SLC16A10: variants seen among roughly 807,000 people sequenced by gnomAD.
SLC16A10 encodes the protein solute carrier family 16 member 10, also known as monocarboxylate transporter 10.
Under a neutral mutation model 40.0 loss-of-function variants are expected in SLC16A10, and 27 were observed. That is an observed-to-expected ratio of 0.67 (90% CI 0.50 to 0.93). The LOEUF (loss-of-function observed/expected upper bound fraction) is 0.93, where lower values mean the gene tolerates loss of function less well. SLC16A10 is among the 40% of genes least tolerant of loss of function. SLC16A10 has a pLI of 0.00. For missense variants in SLC16A10, 529 were observed against 658.2 expected, an observed-to-expected ratio of 0.80 and a Z score of 2.15; for synonymous variants, 213 against 249.8, an observed-to-expected ratio of 0.85 and a Z score of 1.39.
chr6:111,109,390 G>C (rs955066975), intron 1 of SLC16A10, among the ~76,000 whole-genome samples: 1 of 150,948 alleles, frequency 6.6e-6, no homozygotes, highest in Non-Finnish European at 1.5e-5. Flanking sequence ...TCCTTGTTGT[G>C]GTATGTATTA....
intron 3 of SLC16A10, among the ~76,000 whole-genome samples, chr6:111,181,007 G>A (rs904431382): frequency 1.3e-5 from 2 of 152,076 alleles, no homozygotes; most frequent in Non-Finnish European, 2.9e-5. Context: ...CAGAGGTCAG[G>A]AATTTGTGAC....
chr6:111,125,154 C>T (rs920556952), intron 1 of SLC16A10, among the ~76,000 whole-genome samples: 1 of 152,168 alleles, frequency 6.6e-6, no homozygotes. Context: ...AGTAACATCT[C>T]AGTAGATCCG....
intron 1 of SLC16A10, among the ~76,000 whole-genome samples, chr6:111,144,246 C>T (rs1407320584): frequency 1.3e-5 from 2 of 152,098 alleles, no homozygotes; most frequent in Non-Finnish European, 2.9e-5. Flanking sequence ...CTCTGTCCCC[C>T]AGGCTGGAGT....
chr6:111,115,488 C>T (rs148184872), intron 1 of SLC16A10, among the ~76,000 whole-genome samples: 15,077 of 152,274 alleles, frequency 0.099, 877 homozygotes, highest in Non-Finnish European at 0.14. Flanking sequence ...GGATTACAGG[C>T]GTGAGCCACT....
chr6:111,142,325 G>T (rs766796679), intron 1 of SLC16A10, among the ~76,000 whole-genome samples: 6 of 152,160 alleles, frequency 3.9e-5, no homozygotes, highest in Non-Finnish European at 7.4e-5. Context: ...GTAAAAAAAT[G>T]AATCTAGACA....
intron 1 of SLC16A10, among the ~76,000 whole-genome samples, chr6:111,171,504 A>G (rs907910369): frequency 2.6e-5 from 4 of 152,210 alleles, no homozygotes; most frequent in Admixed American, 2.6e-4. Flanking sequence ...AAACACACAC[A>G]AAAGAAATAT....
intron 3 of SLC16A10, among the ~76,000 whole-genome samples, chr6:111,190,155 GC>G (rs755659198): frequency 3.0e-4 from 46 of 152,296 alleles, no homozygotes; most frequent in Middle Eastern, 3.4e-3. Context: ...AAATAAAGGG[GC>G]TACAGGCCCC....
At chr6:111,192,879 G>C (rs180771307) in intron 3 of SLC16A10, among the ~76,000 whole-genome samples, 17 of 152,314 alleles carry the variant, frequency 1.1e-4, no homozygotes, top group Non-Finnish European at 2.5e-4. Context: ...AGTCCCACCA[G>C]GTCCCTCCTA....
chr6:111,144,386 G>T (rs2114506914), intron 1 of SLC16A10, among the ~76,000 whole-genome samples: 1 of 152,198 alleles, frequency 6.6e-6, no homozygotes, highest in East Asian at 1.9e-4. Flanking sequence ...TGTATTTTTA[G>T]TAGAGATGGG....
intron 1 of SLC16A10, among the ~76,000 whole-genome samples, chr6:111,159,067 C>CAAAAAAAAAAA (rs548809670): frequency 1.7e-4 from 4 of 23,404 alleles, no homozygotes; most frequent in African/African-American, 3.0e-4. Context: ...GACCCTGACT[C>CAAAAAAAAAAA]AAAAAAAAAA....
intron 1 of SLC16A10, among the ~76,000 whole-genome samples, chr6:111,116,564 G>T (rs1771491083): frequency 6.6e-6 from 1 of 152,146 alleles, no homozygotes; most frequent in Admixed American, 6.6e-5. Flanking sequence ...CCAAATACAG[G>T]AATGGTTAAA....
intron 1 of SLC16A10, among the ~76,000 whole-genome samples, chr6:111,098,899 T>C (rs1307211025): frequency 6.6e-6 from 1 of 152,236 alleles, no homozygotes; most frequent in East Asian, 1.9e-4. Flanking sequence ...TGACTGTAAG[T>C]ACACTTCCCT....
rs966585058 is a variant in SLC16A10, at chr6:111,223,399, C to T, written c.*1164C>T. ...CATAAGAAAGCTCTCAGTTTGAGGACCCAAAATAAAACCAAAGTCATGCCA... is the reference window on the plus strand; with the variant it reads ...CATAAGAAAGCTCTCAGTTTGAGGATCCAAAATAAAACCAAAGTCATGCCA... On this transcript the variant is annotated 3_prime_UTR_variant, in exon 6 of 6. Coordinates refer to ENST00000368851, the MANE Select transcript of SLC16A10 (RefSeq NM_018593.5). The T allele has an allele frequency of 6.6e-6, 1 of 151,818 alleles. No individual in the cohort carries two copies. Among genetic ancestry groups the T allele is most frequent in the Non-Finnish European group, 1.5e-5 (1 of 67,950 alleles). 9.4% of individuals were successfully genotyped at this position (151,818 alleles called of 1,614,324 possible).
At chr6:111,192,824 A>G (rs145981528) in intron 3 of SLC16A10, among the ~76,000 whole-genome samples, 5,037 of 152,198 alleles carry the variant, frequency 0.033, 238 homozygotes, top group African/African-American at 0.1. Flanking sequence ...CTTATTCACT[A>G]TCATGAGAAC....
chr6:111,120,086 C>T (rs1406946723), intron 1 of SLC16A10, among the ~76,000 whole-genome samples: 5 of 152,174 alleles, frequency 3.3e-5, no homozygotes, highest in Non-Finnish European at 7.3e-5. Context: ...GTATCCATTT[C>T]CCAAAAAAGA....
At chr6:111,152,525 G>A (rs1363598183) in intron 1 of SLC16A10, among the ~76,000 whole-genome samples, 1 of 152,118 alleles carries the variant, frequency 6.6e-6, no homozygotes, top group East Asian at 1.9e-4. Flanking sequence ...AATCTTCCTT[G>A]TCACATAAGA....
At chr6:111,104,250 C>G (rs922212465) in intron 1 of SLC16A10, among the ~76,000 whole-genome samples, 1 of 152,150 alleles carries the variant, frequency 6.6e-6, no homozygotes, top group Admixed American at 6.5e-5. Context: ...TTAAAAAGAT[C>G]TCTGGGTTGC....
At position 111,224,914 on chromosome 6, in the gene SLC16A10, A is replaced by G. The variant is rs536051895; in HGVS notation, c.*2679A>G. 4.5e-4 allele frequency: 68 copies of G among 152,318 alleles called. No individual in the cohort carries two copies. The highest frequency in any genetic ancestry group is 1.6e-3 in the African/African-American group (66 of 41,574). 9.4% of individuals were successfully genotyped at this position (152,318 alleles called of 1,614,324 possible). ...AATACAGAGTCAGAACTCTGTTTTT[A>G]TCTCCTCATCCTGTTTTTGATAAGA... On this transcript the variant is annotated 3_prime_UTR_variant, in exon 6 of 6. Coordinates refer to ENST00000368851, the MANE Select transcript of SLC16A10 (RefSeq NM_018593.5).
Position 111,087,984 on chromosome 6 carries a change from A to C in SLC16A10, c.232A>C (p.Met78Leu). Reference sequence around the variant, plus strand: ...GGGCTGGCTGGTGATGCTGGCGGCCATGTGGTGCAACGGGTCGGTGTTCGG... The same window carrying C: ...GGGCTGGCTGGTGATGCTGGCGGCCCTGTGGTGCAACGGGTCGGTGTTCGG... ...GWGWLVMLAA[M>L]WCNGSVFGIQ... The change falls in exon 1 of 6, where the codon ATG becomes CTG. Residue 78 changes from methionine (M) to leucine (L), a missense_variant. Transcript: ENST00000368851. The C allele has an allele frequency of 6.2e-7, 1 of 1,611,362 alleles. No individual in the cohort carries two copies. The highest frequency in any genetic ancestry group is 1.3e-5 in the African/African-American group (1 of 74,942).
Sources: allele counts gnomAD v4.1 joint callset (sites outside exome capture counted in the v4.1 genomes callset), GRCh38; gene constraint gnomAD v4.1.1; transcripts MANE v1.5; gene names NCBI Gene and HGNC (gene_info 2026-07-23, HGNC 2026-07-21).